Variants in RAPGEF5 observed in about 807,000 individuals in gnomAD.
RAPGEF5 encodes the protein M-Ras-regulated GEF.
Under a neutral mutation model 125.2 loss-of-function variants are expected in RAPGEF5, and 65 were observed. That is an observed-to-expected ratio of 0.52 (90% CI 0.43 to 0.64). The LOEUF (loss-of-function observed/expected upper bound fraction) is 0.64. RAPGEF5 is among the 30% of genes least tolerant of loss of function. The pLI is 0.00. For missense variants in RAPGEF5, 958 were observed against 1,048.1 expected, an observed-to-expected ratio of 0.91 and a Z score of 1.19; for synonymous variants, 391 against 385.9, an observed-to-expected ratio of 1.01 and a Z score of -0.16.
Position 22,145,218 on chromosome 7 carries a change from T to C in RAPGEF5, c.2012A>G (p.Glu671Gly). 6.2e-7 allele frequency: 1 copy of C among 1,607,962 alleles called. No individual in the cohort carries two copies. The highest frequency in any genetic ancestry group is 8.5e-7 in the Non-Finnish European group (1 of 1,176,638). ...WSLFNSIHEQ[E>G]LIYFTFSRQG... ...TCTGCTGAACGTGAAGTAGATCAGC[T>C]CTTGCTGAAAGAAAATGTATTCATG... Residue 671 changes from glutamate (E) to glycine (G), a missense_variant, in exon 20 of 26, where the codon GAG (glutamate) becomes GGG (glycine). Physicochemically the swap from Glu to Gly is moderately conservative, Grantham distance 98 (BLOSUM62 -2). Transcript: ENST00000665637.
intron 17 of RAPGEF5, among the ~76,000 whole-genome samples, chr7:22,152,203 C>T (rs773521121): frequency 1.4e-4 from 21 of 152,118 alleles, no homozygotes; most frequent in African/African-American, 3.1e-4. Flanking sequence ...ATATTCTTTA[C>T]GGCCCAGCAT....
intron 20 of RAPGEF5, 102 bp from the exon 21 acceptor site, chr7:22,140,217 A>T: frequency 9.5e-7 from 1 of 1,057,198 alleles, no homozygotes; most frequent in Non-Finnish European, 1.4e-6. Context: ...CACAGAGCTC[A>T]GGAATTCTGC....
intron 1 of RAPGEF5, among the ~76,000 whole-genome samples, chr7:22,348,349 T>C (rs562945084): frequency 9.2e-5 from 14 of 152,384 alleles, no homozygotes; most frequent in African/African-American, 2.4e-4. Flanking sequence ...TTTTATTCTA[T>C]TGTAAATAGG....
intron 8 of RAPGEF5, among the ~76,000 whole-genome samples, chr7:22,226,359 C>G (rs534899250): frequency 3.7e-4 from 56 of 152,156 alleles, no homozygotes; most frequent in African/African-American, 1.3e-3. Flanking sequence ...GAATAAAACA[C>G]TGATGAGCTT....
chr7:22,319,440 T>C (rs556447540), intron 1 of RAPGEF5, among the ~76,000 whole-genome samples: 4 of 152,210 alleles, frequency 2.6e-5, no homozygotes, highest in African/African-American at 9.6e-5. Context: ...TAAAATAAAA[T>C]GTATCAACTC....
At chr7:22,145,809 C>A (rs1051531732) in intron 19 of RAPGEF5, among the ~76,000 whole-genome samples, 1 of 152,136 alleles carries the variant, frequency 6.6e-6, no homozygotes, top group Non-Finnish European at 1.5e-5. Flanking sequence ...TCTTTAAAAA[C>A]CACCAATATA....
chr7:22,313,255 T>A (rs933119219), intron 3 of RAPGEF5, among the ~76,000 whole-genome samples: 1 of 152,194 alleles, frequency 6.6e-6, no homozygotes, highest in Non-Finnish European at 1.5e-5. Flanking sequence ...TTAAAATAAA[T>A]CAGGTGATGG....
chr7:22,223,575 C>A (rs1056030089), intron 8 of RAPGEF5, among the ~76,000 whole-genome samples: 2 of 151,972 alleles, frequency 1.3e-5, no homozygotes, highest in African/African-American at 4.8e-5. Context: ...CAGTAGACAG[C>A]AAAATTTGAT....
chr7:22,301,802 T>A (rs1238977258), intron 5 of RAPGEF5, among the ~76,000 whole-genome samples: 1 of 152,152 alleles, frequency 6.6e-6, no homozygotes, highest in Non-Finnish European at 1.5e-5. Flanking sequence ...GATTTTTTTA[T>A]GAATTTAGAA....
At chr7:22,270,788 C>A (rs1342352588) in intron 6 of RAPGEF5, among the ~76,000 whole-genome samples, 3 of 152,172 alleles carry the variant, frequency 2.0e-5, no homozygotes, top group Non-Finnish European at 4.4e-5. Context: ...AGGTCTGGGG[C>A]AGCAACTTGT....
At chr7:22,215,640 A>G (rs1018703437) in intron 9 of RAPGEF5, among the ~76,000 whole-genome samples, 1 of 152,234 alleles carries the variant, frequency 6.6e-6, no homozygotes, top group African/African-American at 2.4e-5. Context: ...GAATAGAAGT[A>G]TAGTAACACC....
Position 22,145,033 on chromosome 7 carries a change from T to C in RAPGEF5, c.2186+11A>G. The stretch of plus-strand genomic sequence containing the variant: ...ACTAGAGGAATGGCACTTCTCACAC[T>C]AGAAACTTACTGAGCCGCAATTTTG... On this transcript the variant is annotated intron_variant, in intron 20 of 25. Transcript: ENST00000665637. The C allele has an allele frequency of 2.5e-6, 4 of 1,611,626 alleles. No homozygotes were observed. Among genetic ancestry groups the C allele is most frequent in the Non-Finnish European group, 3.4e-6 (4 of 1,178,482 alleles).
intron 3 of RAPGEF5, among the ~76,000 whole-genome samples, chr7:22,314,363 G>A (rs367612087): frequency 3.3e-5 from 5 of 152,000 alleles, no homozygotes; most frequent in African/African-American, 7.3e-5. Flanking sequence ...TAAGATTTGC[G>A]CATTTTACTA....
chr7:22,160,988 A>G (rs1297145100), intron 13 of RAPGEF5, among the ~76,000 whole-genome samples: 1 of 150,868 alleles, frequency 6.6e-6, no homozygotes, highest in Non-Finnish European at 1.5e-5. Flanking sequence ...TGAGTTCAGG[A>G]GATCGAGACC....
intron 14 of RAPGEF5, among the ~76,000 whole-genome samples, chr7:22,159,630 A>G (rs1322501290): frequency 5.9e-5 from 9 of 152,228 alleles, no homozygotes; most frequent in Admixed American, 5.9e-4. Flanking sequence ...TTCTTTTACC[A>G]AAATTAGTAA....
chr7:22,357,081 C>T lies in RAPGEF5; in HGVS notation c.-21G>A. On this transcript the variant is annotated 5_prime_UTR_variant, in exon 1 of 26. Coordinates refer to ENST00000665637, the MANE Select transcript of RAPGEF5 (RefSeq NM_012294.5). The stretch of plus-strand genomic sequence containing the variant: ...CTCATGCCCTGACGGCGCTGCGGCG[C>T]CGGGGGCTCCTCTCCACCGCGCTCG... The T allele has an allele frequency of 2.9e-6, 3 of 1,027,910 alleles. No individual in the cohort carries two copies. The highest frequency in any genetic ancestry group is 3.5e-6 in the Non-Finnish European group (3 of 857,430). 63.7% of individuals were successfully genotyped at this position (1,027,910 alleles called of 1,614,324 possible).
intron 1 of RAPGEF5, among the ~76,000 whole-genome samples, chr7:22,348,760 G>C (rs146642391): frequency 6.6e-6 from 1 of 152,322 alleles, no homozygotes; most frequent in African/African-American, 2.4e-5. Flanking sequence ...GGGATGAAGA[G>C]AGTTTGATTA....
At chr7:22,184,110 C>T (rs952769436) in intron 11 of RAPGEF5, among the ~76,000 whole-genome samples, 10 of 152,156 alleles carry the variant, frequency 6.6e-5, no homozygotes, top group South Asian at 4.1e-4. Flanking sequence ...GCCACATCTG[C>T]GAAGCCAACT....
chr7:22,214,986 C>A (rs2128131478), intron 9 of RAPGEF5, among the ~76,000 whole-genome samples: 1 of 152,352 alleles, frequency 6.6e-6, no homozygotes, highest in Non-Finnish European at 1.5e-5. Flanking sequence ...CCTCAACCAT[C>A]TTCCTTAGGA....
Sources: allele counts gnomAD v4.1 joint callset (sites outside exome capture counted in the v4.1 genomes callset), GRCh38; gene constraint gnomAD v4.1.1; transcripts MANE v1.5; gene names NCBI Gene and HGNC (gene_info 2026-07-23, HGNC 2026-07-21).